ATOSA: variants seen among roughly 807,000 people sequenced by gnomAD.
ATOSA encodes the protein atos homolog A, also known as atos homolog protein A.
At chr15:52,652,073 G>T in the ATOSA span, 1 of 1,446,756 alleles carries the variant, frequency 6.9e-7, no homozygotes, top group Non-Finnish European at 9.0e-7. Flanking sequence ...GAGTAAGAGC[G>T]CACATAGCAA....
chr15:52,654,146 A>ATCATG, the ATOSA span, among the ~76,000 whole-genome samples: 4 of 151,782 alleles, frequency 2.6e-5, no homozygotes, highest in Admixed American at 2.6e-4. Flanking sequence ...GGGTAGTGAT[A>ATCATG]TATCTATAAT....
chr15:52,665,376 G>C, the ATOSA span, among the ~76,000 whole-genome samples: 1 of 152,180 alleles, frequency 6.6e-6, no homozygotes, highest in Non-Finnish European at 1.5e-5. Context: ...AGGAAAACAA[G>C]ATACAAATCA....
At chr15:52,613,534 G>T in the ATOSA span, 4 of 1,006,938 alleles carry the variant, frequency 4.0e-6, no homozygotes, top group African/African-American at 3.3e-5. Context: ...TATGGTCCAG[G>T]ATTTGGATTT....
chr15:52,681,134 G>A, the ATOSA span, among the ~76,000 whole-genome samples: 1 of 152,162 alleles, frequency 6.6e-6, no homozygotes, highest in Non-Finnish European at 1.5e-5. Flanking sequence ...CAGCACTTGG[G>A]TAAATGATGA....
chr15:52,621,106 A>C, the ATOSA span, among the ~76,000 whole-genome samples: 5 of 152,236 alleles, frequency 3.3e-5, no homozygotes, highest in African/African-American at 1.2e-4. Flanking sequence ...AACTTAAAAA[A>C]ATTGGCATCA....
At chr15:52,664,614 T>C in the ATOSA span, among the ~76,000 whole-genome samples, 6 of 152,304 alleles carry the variant, frequency 3.9e-5, no homozygotes, top group South Asian at 2.1e-4. Context: ...ACTGCCCTAA[T>C]TGCCACACAA....
chr15:52,702,653 A>G, the ATOSA span, among the ~76,000 whole-genome samples: 62 of 152,036 alleles, frequency 4.1e-4, no homozygotes, highest in African/African-American at 1.4e-3. Context: ...AACTATTTGG[A>G]TACTATGCTC....
At chr15:52,666,531 C>T in the ATOSA span, among the ~76,000 whole-genome samples, 1 of 152,100 alleles carries the variant, frequency 6.6e-6, no homozygotes, top group Admixed American at 6.5e-5. Flanking sequence ...ATAAACATTT[C>T]CATTTAGAAG....
chr15:52,681,562 G>A, the ATOSA span, among the ~76,000 whole-genome samples: 2 of 152,144 alleles, frequency 1.3e-5, no homozygotes, highest in African/African-American at 4.8e-5. Context: ...TCACTCTAAG[G>A]TGCTCTGTTC....
the ATOSA span, among the ~76,000 whole-genome samples, chr15:52,676,826 TG>T: frequency 6.6e-6 from 1 of 152,232 alleles, no homozygotes; most frequent in African/African-American, 2.4e-5. Context: ...TTTATTTGCT[TG>T]TTTATTCTGA....
chr15:52,600,226 T>A, the ATOSA span: 3 of 1,602,972 alleles, frequency 1.9e-6, no homozygotes, highest in East Asian at 4.5e-5. Flanking sequence ...TGTTTAAACA[T>A]GGTCGAGGAC....
At chr15:52,680,805 G>A in the ATOSA span, among the ~76,000 whole-genome samples, 47 of 152,100 alleles carry the variant, frequency 3.1e-4, no homozygotes, top group African/African-American at 1.1e-3. Context: ...AAATCCCAGT[G>A]GATTTGACTT....
At chr15:52,634,235 C>T in the ATOSA span, among the ~76,000 whole-genome samples, 1 of 152,070 alleles carries the variant, frequency 6.6e-6, no homozygotes, top group Non-Finnish European at 1.5e-5. Flanking sequence ...GAGTTCAAGA[C>T]CAGCCTGGCC....
At chr15:52,612,772 G>A in the ATOSA span, among the ~76,000 whole-genome samples, 1 of 151,702 alleles carries the variant, frequency 6.6e-6, no homozygotes, top group Non-Finnish European at 1.5e-5. Flanking sequence ...CAAAATGCTG[G>A]GATTACAGGC....
At chr15:52,709,341 T>C in the ATOSA span, among the ~76,000 whole-genome samples, 30,832 of 152,094 alleles carry the variant, frequency 0.2, 3,494 homozygotes, top group Admixed American at 0.3. Flanking sequence ...CATTGCAAAA[T>C]CATTGGCTTT....
the ATOSA span, among the ~76,000 whole-genome samples, chr15:52,675,690 C>A: frequency 6.6e-6 from 1 of 152,110 alleles, no homozygotes; most frequent in African/African-American, 2.4e-5. Flanking sequence ...GGGCGGATCA[C>A]GAGCTCAGGA....
chr15:52,617,036 A>C, the ATOSA span, among the ~76,000 whole-genome samples: 1 of 152,224 alleles, frequency 6.6e-6, no homozygotes, highest in South Asian at 2.1e-4. Flanking sequence ...AATCATCAAA[A>C]ATAAAAAAAA....
chr15:52,612,894 C>T, the ATOSA span, among the ~76,000 whole-genome samples: 1 of 151,606 alleles, frequency 6.6e-6, no homozygotes, highest in Non-Finnish European at 1.5e-5. Context: ...AAATTATATG[C>T]TACTACACCA....
At chr15:52,663,062 C>CTA in the ATOSA span, among the ~76,000 whole-genome samples, 1 of 151,562 alleles carries the variant, frequency 6.6e-6, no homozygotes, top group African/African-American at 2.4e-5. Flanking sequence ...ATTTAAAACT[C>CTA]TAATCTCTCC....
Sources: gnomAD v4.1 joint callset for allele counts (sites outside exome capture counted in the v4.1 genomes callset) on GRCh38, gnomAD v4.1.1 for gene constraint, MANE v1.5 for transcripts, NCBI Gene and HGNC (gene_info 2026-07-23, HGNC 2026-07-21) for gene names.